SYNDIG1: variants seen among roughly 807,000 people sequenced by gnomAD.
SYNDIG1 encodes the protein synapse differentiation-inducing gene protein 1.
In SYNDIG1, 9 loss-of-function variants were observed where a neutral mutation model predicts 19.4. The ratio of observed to expected loss-of-function variants is 0.46; its 90% CI spans 0.28 to 0.81. The LOEUF (loss-of-function observed/expected upper bound fraction) is 0.81. Ranked by LOEUF, SYNDIG1 falls within the 30% of genes least tolerant of loss-of-function variation. The probability of loss-of-function intolerance (pLI) is 0.12; values close to 1 mark genes in which losing one functional copy is unlikely to be tolerated. For missense variants in SYNDIG1, 311 were observed against 343.3 expected, an observed-to-expected ratio of 0.91 and a Z score of 0.74; for synonymous variants, 141 against 145.9, an observed-to-expected ratio of 0.97 and a Z score of 0.24.
chr20:24,659,861 T>C (rs1356958927), intron 3 of SYNDIG1, among the ~76,000 whole-genome samples: 2 of 152,268 alleles, frequency 1.3e-5, no homozygotes, highest in Non-Finnish European at 2.9e-5. Context: ...GTTTCTCTAT[T>C]CTCTGTAGAT....
intron 1 of SYNDIG1, among the ~76,000 whole-genome samples, chr20:24,537,023 T>C (rs1340641431): frequency 6.6e-6 from 1 of 152,124 alleles, no homozygotes; most frequent in African/African-American, 2.4e-5. Context: ...CTCATGCTGT[T>C]CACACATCCA....
At chr20:24,564,822 G>T (rs535255588) in intron 2 of SYNDIG1, among the ~76,000 whole-genome samples, 1 of 152,350 alleles carries the variant, frequency 6.6e-6, no homozygotes, top group African/African-American at 2.4e-5. Context: ...TCATTCACAA[G>T]TTGAGGAAAG....
At chr20:24,530,005 G>A (rs148264542) in intron 1 of SYNDIG1, among the ~76,000 whole-genome samples, 21 of 3,156 alleles carry the variant, frequency 6.7e-3, no homozygotes, top group South Asian at 0.043. Flanking sequence ...TCAGTGGTGG[G>A]GATAATGATG....
chr20:24,623,830 G>A (rs971355595), intron 3 of SYNDIG1, among the ~76,000 whole-genome samples: 1 of 152,186 alleles, frequency 6.6e-6, no homozygotes, highest in Non-Finnish European at 1.5e-5. Context: ...GTTGAAACTA[G>A]AAGATTCTGA....
intron 3 of SYNDIG1, among the ~76,000 whole-genome samples, chr20:24,600,772 G>A (rs542420048): frequency 5.9e-5 from 9 of 152,034 alleles, no homozygotes; most frequent in East Asian, 3.9e-4. Flanking sequence ...CCGCCACCAC[G>A]CCTGGCTAAT....
chr20:24,648,705 T>C (rs2059442726), intron 3 of SYNDIG1, among the ~76,000 whole-genome samples: 1 of 152,202 alleles, frequency 6.6e-6, no homozygotes, highest in African/African-American at 2.4e-5. Context: ...AAGCAACCCA[T>C]CTTCTTAGAA....
At chr20:24,663,402 C>T (rs1303905437) in intron 3 of SYNDIG1, among the ~76,000 whole-genome samples, 4 of 152,156 alleles carry the variant, frequency 2.6e-5, no homozygotes, top group Non-Finnish European at 5.9e-5. Context: ...AGCTCTGGTG[C>T]GTCTATATGC....
chr20:24,542,057 G>C (rs1000764616), intron 1 of SYNDIG1, among the ~76,000 whole-genome samples: 2 of 152,152 alleles, frequency 1.3e-5, no homozygotes, highest in Non-Finnish European at 2.9e-5. Context: ...TGACAAACCA[G>C]TCTGTGTTGA....
intron 3 of SYNDIG1, among the ~76,000 whole-genome samples, chr20:24,614,258 C>T (rs1025450235): frequency 6.6e-6 from 1 of 152,216 alleles, no homozygotes; most frequent in Non-Finnish European, 1.5e-5. Context: ...CCCACCTCAG[C>T]CTCCCAAATT....
intron 3 of SYNDIG1, among the ~76,000 whole-genome samples, chr20:24,624,264 A>AG (rs1436484967): frequency 6.6e-6 from 1 of 151,850 alleles, no homozygotes; most frequent in Non-Finnish European, 1.5e-5. Flanking sequence ...TCAAAAAAAA[A>AG]AAAAAAAAAT....
intron 1 of SYNDIG1, among the ~76,000 whole-genome samples, chr20:24,470,152 G>A (rs920955875): frequency 8.5e-5 from 13 of 152,332 alleles, no homozygotes; most frequent in African/African-American, 3.1e-4. Flanking sequence ...GCCCAGCAGG[G>A]CCATGAGGGC....
chr20:24,654,163 T>C (rs752058055), intron 3 of SYNDIG1, among the ~76,000 whole-genome samples: 15 of 152,130 alleles, frequency 9.9e-5, no homozygotes, highest in Non-Finnish European at 2.1e-4. Flanking sequence ...CAGTGCCATA[T>C]ATGCAGAGCA....
chr20:24,476,041 A>T (rs1004117179), intron 1 of SYNDIG1, among the ~76,000 whole-genome samples: 4 of 151,868 alleles, frequency 2.6e-5, no homozygotes, highest in Non-Finnish European at 5.9e-5. Context: ...TTCTATTTTT[A>T]GTAGAGTCGT....
chr20:24,581,541 G>C (rs759786913), intron 2 of SYNDIG1, among the ~76,000 whole-genome samples: 1 of 152,014 alleles, frequency 6.6e-6, no homozygotes, highest in Non-Finnish European at 1.5e-5. Context: ...TGCAGAGATA[G>C]CCCCTTCTGA....
intron 3 of SYNDIG1, among the ~76,000 whole-genome samples, chr20:24,664,882 A>G (rs2059634067): frequency 6.6e-6 from 1 of 152,150 alleles, no homozygotes; most frequent in Admixed American, 6.5e-5. Flanking sequence ...TGCCTTCCGC[A>G]CACCTCCAGT....
intron 2 of SYNDIG1, among the ~76,000 whole-genome samples, chr20:24,571,659 A>G (rs1300562283): frequency 6.6e-6 from 1 of 152,210 alleles, no homozygotes; most frequent in African/African-American, 2.4e-5. Flanking sequence ...AAAGCAGAAC[A>G]TTTTAGAACA....
chr20:24,559,869 T>C (rs4815278), intron 2 of SYNDIG1, among the ~76,000 whole-genome samples: 88,742 of 151,728 alleles, frequency 0.58, 26,121 homozygotes, highest in Admixed American at 0.64. Context: ...GACAAGTCTT[T>C]TGTGGTTTTT....
At chr20:24,498,884 C>T (rs953200112) in intron 1 of SYNDIG1, among the ~76,000 whole-genome samples, 5 of 152,236 alleles carry the variant, frequency 3.3e-5, no homozygotes, top group East Asian at 3.9e-4. Flanking sequence ...CACGGGTGTG[C>T]GGCATCCAGA....
At chr20:24,663,033 A>C (rs1467123361) in intron 3 of SYNDIG1, among the ~76,000 whole-genome samples, 2 of 152,254 alleles carry the variant, frequency 1.3e-5, no homozygotes, top group Non-Finnish European at 2.9e-5. Flanking sequence ...TCACAGCCAC[A>C]GTTATCCATT....
Sources: gnomAD v4.1 joint callset for allele counts (sites outside exome capture counted in the v4.1 genomes callset) on GRCh38, gnomAD v4.1.1 for gene constraint, MANE v1.5 for transcripts, NCBI Gene and HGNC (gene_info 2026-07-23, HGNC 2026-07-21) for gene names.